The following CTNNA3 variants were observed in gnomAD, a reference collection of about 807,000 sequenced individuals.
The protein encoded by CTNNA3 is catenin alpha 3.
Under a neutral mutation model 95.7 loss-of-function variants are expected in CTNNA3, and 76 were observed. That is an observed-to-expected ratio of 0.79 (90% CI 0.66 to 0.96). CTNNA3 has a LOEUF of 0.96. Among genes scored for constraint, CTNNA3 ranks in the 40% least tolerant of loss-of-function variants. The probability of loss-of-function intolerance (pLI) is 0.00; values close to 1 mark genes in which losing one functional copy is unlikely to be tolerated. For missense variants in CTNNA3, 1,191 were observed against 1,089.8 expected (o/e 1.09, Z -1.31); for synonymous variants, 431 against 374.4 (o/e 1.15, Z -1.74).
intron 5 of CTNNA3, among the ~76,000 whole-genome samples, chr10:67,276,640 T>C (rs943817385): frequency 1.3e-5 from 2 of 152,124 alleles, no homozygotes; most frequent in African/African-American, 4.8e-5. Context: ...TAAAATTATA[T>C]ATGGTTGATA....
chr10:67,017,748 T>A (rs1852746453), intron 7 of CTNNA3, among the ~76,000 whole-genome samples: 1 of 150,524 alleles, frequency 6.6e-6, no homozygotes, highest in African/African-American at 2.5e-5. Flanking sequence ...TGTGTGTGTG[T>A]GTGTGCGCGC....
intron 9 of CTNNA3, among the ~76,000 whole-genome samples, chr10:66,652,051 A>G (rs1845926071): frequency 1.3e-5 from 2 of 151,530 alleles, no homozygotes; most frequent in African/African-American, 2.4e-5. Context: ...GACACCCATA[A>G]TAAAAAGGAA....
intron 3 of CTNNA3, among the ~76,000 whole-genome samples, chr10:67,584,612 T>G (rs1842553326): frequency 6.6e-6 from 1 of 152,234 alleles, no homozygotes; most frequent in Non-Finnish European, 1.5e-5. Context: ...CAGGGACATT[T>G]AAGTCTGCAG....
intron 12 of CTNNA3, among the ~76,000 whole-genome samples, chr10:66,309,645 CA>C (rs1003344309): frequency 6.7e-5 from 9 of 134,038 alleles, no homozygotes; most frequent in African/African-American, 8.5e-5. Context: ...GAGATCGCGC[CA>C]CTGCACTCCA....
chr10:67,363,039 T>A (rs1230541989), intron 5 of CTNNA3, among the ~76,000 whole-genome samples: 1 of 151,916 alleles, frequency 6.6e-6, no homozygotes, highest in African/African-American at 2.4e-5. Flanking sequence ...ATAAAAGACC[T>A]AAGAATTCAT....
chr10:66,802,239 T>C (rs544831754), intron 7 of CTNNA3, among the ~76,000 whole-genome samples: 1 of 151,854 alleles, frequency 6.6e-6, no homozygotes, highest in Admixed American at 6.6e-5. Context: ...TATAGAAAGA[T>C]AAGAATATGA....
intron 9 of CTNNA3, among the ~76,000 whole-genome samples, chr10:66,641,249 CATAGAT>C (rs1432219066): frequency 2.6e-5 from 4 of 152,146 alleles, no homozygotes; most frequent in African/African-American, 9.7e-5. Context: ...TTCCAACACA[CATAGAT>C]ATAACTACAT....
At chr10:67,307,463 A>G (rs979854915) in intron 5 of CTNNA3, among the ~76,000 whole-genome samples, 2 of 152,106 alleles carry the variant, frequency 1.3e-5, no homozygotes, top group African/African-American at 4.8e-5. Context: ...CTACTGATTA[A>G]TTGTTTGTTT....
At chr10:66,895,724 G>C (rs901977987) in intron 7 of CTNNA3, among the ~76,000 whole-genome samples, 2 of 151,944 alleles carry the variant, frequency 1.3e-5, no homozygotes, top group Non-Finnish European at 2.9e-5. Context: ...AAGAAGCCAG[G>C]AGGATTAATG....
intron 7 of CTNNA3, among the ~76,000 whole-genome samples, chr10:66,986,263 CGA>C (rs1564813577): frequency 6.6e-6 from 1 of 151,882 alleles, no homozygotes; most frequent in Non-Finnish European, 1.5e-5. Flanking sequence ...TTTGAGAGGC[CGA>C]GGCAGGCAGT....
At chr10:66,251,056 C>A (rs551034953) in intron 13 of CTNNA3, among the ~76,000 whole-genome samples, 8 of 152,248 alleles carry the variant, frequency 5.3e-5, no homozygotes, top group Admixed American at 5.2e-4. Context: ...CTCCAATAAT[C>A]CCTGGCTCTG....
Position 66,926,792 on chromosome 10 carries a change from A to C in CTNNA3, c.1048-151268T>G, listed in dbSNP as rs902323751. The C allele has an allele frequency of 7.2e-6, 7 of 969,558 alleles. No homozygotes were observed. In the African/African-American group the frequency reaches 1.2e-4, roughly 16 times the overall value. The allele number at this position is 969,558 out of a possible 1,614,324, so 60.1% of individuals were successfully genotyped here. ...GACAATTCTCTTTAATTACAAAGAG[A>C]TAATATGTGATGTTAAGTGTTATTT... On this transcript the variant is annotated intron_variant, in intron 7 of 17. Transcript: ENST00000433211.
chr10:67,037,650 T>C (rs569264812), intron 7 of CTNNA3, among the ~76,000 whole-genome samples: 53 of 152,062 alleles, frequency 3.5e-4, no homozygotes, highest in African/African-American at 1.2e-3. Context: ...TAACAGAGGG[T>C]GAGGAACTAA....
chr10:66,921,652 G>A (rs1232118795), intron 7 of CTNNA3, among the ~76,000 whole-genome samples: 2 of 152,102 alleles, frequency 1.3e-5, no homozygotes, highest in Non-Finnish European at 2.9e-5. Flanking sequence ...TTCAAGGTTT[G>A]CTCAGGCCAG....
chr10:66,510,968 T>G (rs753238490), intron 11 of CTNNA3, among the ~76,000 whole-genome samples: 1 of 151,824 alleles, frequency 6.6e-6, no homozygotes, highest in Non-Finnish European at 1.5e-5. Context: ...AAAAATGGTG[T>G]TAGTTATTTA....
chr10:66,228,334 G>C (rs770349079), intron 13 of CTNNA3, among the ~76,000 whole-genome samples: 2 of 151,824 alleles, frequency 1.3e-5, no homozygotes, highest in Non-Finnish European at 2.9e-5. Context: ...TGCTTTTGCT[G>C]TATCTCACAG....
At chr10:66,787,623 G>A (rs1471745442) in intron 7 of CTNNA3, among the ~76,000 whole-genome samples, 1 of 152,140 alleles carries the variant, frequency 6.6e-6, no homozygotes, top group Admixed American at 6.5e-5. Context: ...TCTAGTTCCT[G>A]TAGTTCGAAG....
intron 5 of CTNNA3, among the ~76,000 whole-genome samples, chr10:67,447,424 T>C (rs986492946): frequency 2.0e-5 from 3 of 152,240 alleles, no homozygotes; most frequent in African/African-American, 7.2e-5. Flanking sequence ...CAACTACCTT[T>C]GTGAAGAGCA....
At chr10:66,867,836 T>G (rs926570745) in intron 7 of CTNNA3, among the ~76,000 whole-genome samples, 3 of 150,936 alleles carry the variant, frequency 2.0e-5, no homozygotes, top group Non-Finnish European at 4.4e-5. Flanking sequence ...ATTGTCATTC[T>G]CTTCACGTGT....
Sources: allele counts gnomAD v4.1 joint callset (sites outside exome capture counted in the v4.1 genomes callset), GRCh38; gene constraint gnomAD v4.1.1; transcripts MANE v1.5; gene names NCBI Gene and HGNC (gene_info 2026-07-23, HGNC 2026-07-21).